The following FSTL5 variants were observed in gnomAD, a reference collection of about 807,000 sequenced individuals.
FSTL5 encodes follistatin-related protein 5.
In FSTL5, 62 loss-of-function variants were observed where a neutral mutation model predicts 89.1. The observed-to-expected ratio is 0.70, with a 90% CI of 0.57 to 0.86. The LOEUF (loss-of-function observed/expected upper bound fraction) is 0.86. Among genes scored for constraint, FSTL5 ranks in the 40% least tolerant of loss-of-function variants. The pLI is 0.00. For synonymous variants in FSTL5, 383 were observed against 346.2 expected (o/e 1.11, Z -1.18); for missense variants, 1,057 against 1,001.6 (o/e 1.06, Z -0.75).
intron 5 of FSTL5, among the ~76,000 whole-genome samples, chr4:161,766,844 T>C (rs1468894241): frequency 1.3e-5 from 2 of 152,024 alleles, no homozygotes; most frequent in Admixed American, 6.6e-5. Context: ...TAATTAGAAA[T>C]ATACAGATAT....
intron 8 of FSTL5, among the ~76,000 whole-genome samples, 186 bp downstream of exon 8, chr4:161,587,269 T>C (rs1268856489): frequency 3.9e-5 from 6 of 151,910 alleles, no homozygotes; most frequent in Non-Finnish European, 8.8e-5. Flanking sequence ...TACTAATTTA[T>C]AGTGCTTATT....
At chr4:161,502,672 T>G (rs1182210944) in intron 11 of FSTL5, among the ~76,000 whole-genome samples, 1 of 151,904 alleles carries the variant, frequency 6.6e-6, no homozygotes, top group Non-Finnish European at 1.5e-5. Flanking sequence ...TTTTGCCATT[T>G]ACATTTTTGC....
chr4:161,504,312 G>A (rs72683740), intron 11 of FSTL5, among the ~76,000 whole-genome samples: 11,402 of 151,828 alleles, frequency 0.075, 564 homozygotes, highest in Middle Eastern at 0.14. Flanking sequence ...AGTTTGTAAA[G>A]GGGTCCTGAG....
rs190023525 is a variant in FSTL5, at chr4:161,851,922, C to G, written c.409+68482G>C. Among the ~76,000 whole-genome samples, 364 of 150,864 alleles carry G rather than the reference C, an allele frequency of 2.4e-3. 1 individual carries two copies. The highest frequency in any genetic ancestry group is 8.5e-3 in the African/African-American group (345 of 40,580). On this transcript the variant is annotated intron_variant, in intron 4 of 15. Transcript: ENST00000306100. ...ACACACACACACACACATACACACA[C>G]AAGTAAACACATTTTATCACATTTA... is the stretch of plus-strand genomic sequence containing the variant.
chr4:161,413,374 T>C (rs1421154105), intron 15 of FSTL5, among the ~76,000 whole-genome samples: 1 of 149,302 alleles, frequency 6.7e-6, no homozygotes, highest in Non-Finnish European at 1.5e-5. Flanking sequence ...CACAATGAGA[T>C]ATCATCTAAG....
At chr4:161,854,415 T>C (rs1324329287) in intron 4 of FSTL5, among the ~76,000 whole-genome samples, 2 of 152,074 alleles carry the variant, frequency 1.3e-5, no homozygotes, top group Non-Finnish European at 2.9e-5. Flanking sequence ...TACTGTGAAG[T>C]CCCTACATGA....
At chr4:161,473,308 A>G (rs1734013488) in intron 13 of FSTL5, among the ~76,000 whole-genome samples, 1 of 151,940 alleles carries the variant, frequency 6.6e-6, no homozygotes, top group African/African-American at 2.4e-5. Context: ...CTTTTGCTTC[A>G]TATGTTTTGA....
intron 8 of FSTL5, among the ~76,000 whole-genome samples, chr4:161,565,742 G>GACACACACACACACACACAC (rs145835055): frequency 7.5e-5 from 10 of 133,572 alleles, no homozygotes; most frequent in African/African-American, 1.7e-4. Context: ...TATAACTTGA[G>GACACACACACACACACACAC]ACACACACAC....
At chr4:161,687,571 T>G (rs2126715858) in intron 6 of FSTL5, among the ~76,000 whole-genome samples, 1 of 152,334 alleles carries the variant, frequency 6.6e-6, no homozygotes, top group Admixed American at 6.5e-5. Flanking sequence ...TATTTCACTT[T>G]AAATTTTTCA....
At chr4:161,670,060 T>C (rs1470710354) in intron 6 of FSTL5, among the ~76,000 whole-genome samples, 2 of 152,236 alleles carry the variant, frequency 1.3e-5, no homozygotes, top group African/African-American at 4.8e-5. Context: ...AGACATTATA[T>C]TCTAAATTTG....
intron 6 of FSTL5, among the ~76,000 whole-genome samples, chr4:161,690,360 G>A (rs781286224): frequency 3.9e-5 from 6 of 151,974 alleles, no homozygotes; most frequent in Non-Finnish European, 7.4e-5. Context: ...TGACCATCTT[G>A]TGAAGTTGTG....
intron 2 of FSTL5, among the ~76,000 whole-genome samples, chr4:162,045,560 A>G (rs1212200151): frequency 6.6e-6 from 1 of 152,168 alleles, no homozygotes; most frequent in Non-Finnish European, 1.5e-5. Flanking sequence ...ACTAGAACAG[A>G]TATAATAATA....
At chr4:161,410,007 ACC>A (rs1490903787) in intron 15 of FSTL5, among the ~76,000 whole-genome samples, 1 of 152,210 alleles carries the variant, frequency 6.6e-6, no homozygotes, top group African/African-American at 2.4e-5. Flanking sequence ...ATCTATTGAT[ACC>A]CACAGGCTAA....
intron 15 of FSTL5, among the ~76,000 whole-genome samples, chr4:161,398,121 G>C (rs1731066827): frequency 6.6e-6 from 1 of 152,000 alleles, no homozygotes; most frequent in African/African-American, 2.4e-5. Context: ...GTTAAGTTGT[G>C]ACTCTGCTTT....
intron 4 of FSTL5, among the ~76,000 whole-genome samples, chr4:161,837,913 CAAT>C (rs1731096082): frequency 6.6e-6 from 1 of 151,964 alleles, no homozygotes; most frequent in African/African-American, 2.4e-5. Flanking sequence ...CTTTCAGGAT[CAAT>C]AATACAAATG....
chr4:161,572,368 A>G (rs1733049967), intron 8 of FSTL5, among the ~76,000 whole-genome samples: 2 of 151,100 alleles, frequency 1.3e-5, no homozygotes, highest in Non-Finnish European at 2.9e-5. Flanking sequence ...AGAAAGAGAA[A>G]GAAGAAGAAT....
At chr4:161,860,936 C>T (rs535661233) in intron 4 of FSTL5, among the ~76,000 whole-genome samples, 7 of 152,106 alleles carry the variant, frequency 4.6e-5, no homozygotes, top group Non-Finnish European at 8.8e-5. Context: ...CATGCACACA[C>T]ACACAAAATG....
intron 6 of FSTL5, among the ~76,000 whole-genome samples, chr4:161,693,918 G>A (rs188427018): frequency 5.9e-5 from 9 of 152,012 alleles, no homozygotes; most frequent in African/African-American, 7.2e-5. Context: ...GATTACAGGC[G>A]TGAGCCACTG....
intron 1 of FSTL5, among the ~76,000 whole-genome samples, chr4:162,130,426 A>C (rs1032042364): frequency 1.3e-5 from 2 of 152,210 alleles, no homozygotes; most frequent in African/African-American, 2.4e-5. Flanking sequence ...TAAGAACTAA[A>C]TATCCATGCC....
Sources: gnomAD v4.1 joint callset for allele counts (sites outside exome capture counted in the v4.1 genomes callset) on GRCh38, gnomAD v4.1.1 for gene constraint, MANE v1.5 for transcripts, NCBI Gene and HGNC (gene_info 2026-07-23, HGNC 2026-07-21) for gene names.